SIPA1L1: variants seen among roughly 807,000 people sequenced by gnomAD.
The protein encoded by SIPA1L1 is signal-induced proliferation-associated 1-like protein 1.
In SIPA1L1, 26 loss-of-function variants were observed where a neutral mutation model predicts 162.7. That is an observed-to-expected ratio of 0.16 (90% CI 0.12 to 0.22). The LOEUF is 0.22. Among genes scored for constraint, SIPA1L1 ranks in the 10% least tolerant of loss-of-function variants. The pLI is 1.00. For synonymous variants in SIPA1L1, 829 were observed against 837.4 expected, an observed-to-expected ratio of 0.99 and a Z score of 0.17; for missense variants, 1,874 against 2,241.0, an observed-to-expected ratio of 0.84 and a Z score of 3.31.
chr14:71,367,905 C>CT (rs1464201372), intron 2 of SIPA1L1, among the ~76,000 whole-genome samples: 6 of 146,742 alleles, frequency 4.1e-5, no homozygotes, highest in African/African-American at 1.5e-4. Context: ...GCGTGCCGGC[C>CT]TTCCTTTTTT....
rs185832512 is a variant in SIPA1L1, at chr14:71,421,310, T to C, written c.-464-91433T>C. On this transcript the variant is annotated intron_variant, in intron 2 of 23. Coordinates refer to ENST00000381232, the MANE Select transcript of SIPA1L1 (RefSeq NM_001386936.1). Reference sequence around the variant, plus strand: ...TAGTTGATTATATTTAAAGTAAATCTGGCCAGGCATGGTGGCTCACGCCTG... The same window carrying C: ...TAGTTGATTATATTTAAAGTAAATCCGGCCAGGCATGGTGGCTCACGCCTG... 2.6e-5 allele frequency among the ~76,000 whole-genome samples: 4 copies of C among 152,290 alleles called. No individual in the cohort carries two copies. The East Asian group carries it at 7.7e-4, about 29-fold the overall frequency.
chr14:71,379,954 T>C (rs890664665), intron 2 of SIPA1L1, among the ~76,000 whole-genome samples: 2 of 152,232 alleles, frequency 1.3e-5, no homozygotes, highest in Admixed American at 6.5e-5. Flanking sequence ...TGATAACTTA[T>C]TATTGCCATA....
intron 3 of SIPA1L1, among the ~76,000 whole-genome samples, chr14:71,522,558 T>C (rs918349781): frequency 6.6e-6 from 1 of 152,234 alleles, no homozygotes; most frequent in African/African-American, 2.4e-5. Flanking sequence ...TTGAGCATCA[T>C]GTCAGCACTC....
chr14:71,340,920 C>T (rs1443300256), intron 2 of SIPA1L1, among the ~76,000 whole-genome samples: 1 of 152,206 alleles, frequency 6.6e-6, no homozygotes, highest in African/African-American at 2.4e-5. Flanking sequence ...GCCTGGACAA[C>T]AGAGCGAGAC....
At chr14:71,397,747 T>G (rs935305906) in intron 2 of SIPA1L1, among the ~76,000 whole-genome samples, 8 of 152,160 alleles carry the variant, frequency 5.3e-5, no homozygotes, top group African/African-American at 1.9e-4. Context: ...GTTTGGTTGT[T>G]AGTGGAGTAG....
chr14:71,342,639 T>C (rs1486507699), intron 2 of SIPA1L1, among the ~76,000 whole-genome samples: 1 of 152,220 alleles, frequency 6.6e-6, no homozygotes, highest in Non-Finnish European at 1.5e-5. Context: ...TAGATTATGA[T>C]GGGAAAGGAG....
intron 2 of SIPA1L1, among the ~76,000 whole-genome samples, chr14:71,327,672 C>G (rs1428769785): frequency 2.0e-5 from 3 of 152,140 alleles, no homozygotes; most frequent in Non-Finnish European, 4.4e-5. Context: ...GGCTGTGGCT[C>G]TGAACCATAC....
intron 22 of SIPA1L1, 32 bp downstream of exon 22, chr14:71,735,423 C>G (rs1387461843): frequency 7.0e-7 from 1 of 1,426,954 alleles, no homozygotes; most frequent in Non-Finnish European, 9.9e-7. Flanking sequence ...GTACTCTGCA[C>G]CTTGTGTCAC....
intron 2 of SIPA1L1, among the ~76,000 whole-genome samples, chr14:71,371,938 C>G (rs1360334438): frequency 2.0e-5 from 3 of 152,112 alleles, no homozygotes; most frequent in Non-Finnish European, 4.4e-5. Context: ...AGCCTCTTAA[C>G]CCTTACTTGA....
Position 71,698,975 on chromosome 14 carries a change from A to T in SIPA1L1, c.3375-6A>T. The T allele has an allele frequency of 6.2e-7, 1 of 1,614,202 alleles. No homozygotes were observed. The highest frequency in any genetic ancestry group is 8.5e-7 in the Non-Finnish European group (1 of 1,180,012). ...TTGACTTCATGTTTTTGTATTGCAC[A>T]TGCAGGCTGTCTCCTGGTTCGGACA... On this transcript the variant is annotated splice_region_variant and splice_polypyrimidine_tract_variant and intron_variant, in intron 13 of 23. Transcript: ENST00000381232.
chr14:71,501,756 C>T (rs1019296428), intron 2 of SIPA1L1, among the ~76,000 whole-genome samples: 1 of 152,046 alleles, frequency 6.6e-6, no homozygotes, highest in African/African-American at 2.4e-5. Context: ...GCACAGTGGC[C>T]TCATGCCTGT....
At chr14:71,643,537 A>C (rs1258451678) in intron 7 of SIPA1L1, among the ~76,000 whole-genome samples, 1 of 152,188 alleles carries the variant, frequency 6.6e-6, no homozygotes, top group Non-Finnish European at 1.5e-5. Flanking sequence ...TTGTGAAAAA[A>C]GTTTTCTAAA....
chr14:71,637,807 T>G (rs948762523), intron 7 of SIPA1L1, among the ~76,000 whole-genome samples: 1 of 152,146 alleles, frequency 6.6e-6, no homozygotes, highest in African/African-American at 2.4e-5. Flanking sequence ...GTACTATCCA[T>G]GGTTTCAGGC....
At chr14:71,641,685 T>C (rs1478573401) in intron 7 of SIPA1L1, among the ~76,000 whole-genome samples, 3 of 152,214 alleles carry the variant, frequency 2.0e-5, no homozygotes, top group Non-Finnish European at 4.4e-5. Context: ...ATGGAGCCAC[T>C]GCACTCCAGC....
chr14:71,396,534 C>T (rs918779368), intron 2 of SIPA1L1, among the ~76,000 whole-genome samples: 2 of 152,066 alleles, frequency 1.3e-5, no homozygotes, highest in Non-Finnish European at 2.9e-5. Flanking sequence ...AAGATCAGTC[C>T]GTTAATCTTT....
At chr14:71,542,018 C>T (rs1339647324) in intron 4 of SIPA1L1, among the ~76,000 whole-genome samples, 1 of 152,234 alleles carries the variant, frequency 6.6e-6, no homozygotes, top group Non-Finnish European at 1.5e-5. Flanking sequence ...ATCAATGGCA[C>T]GACCATGGAT....
chr14:71,550,614 T>G (rs942595312), intron 4 of SIPA1L1, among the ~76,000 whole-genome samples: 1 of 151,930 alleles, frequency 6.6e-6, no homozygotes, highest in African/African-American at 2.4e-5. Flanking sequence ...CTGGTTTCTC[T>G]TCTCTCTCAA....
intron 5 of SIPA1L1, among the ~76,000 whole-genome samples, chr14:71,616,472 T>C (rs952361892): frequency 6.6e-6 from 1 of 151,624 alleles, no homozygotes; most frequent in Non-Finnish European, 1.5e-5. Context: ...AAATGTGAGT[T>C]TACGGTAATT....
intron 5 of SIPA1L1, among the ~76,000 whole-genome samples, chr14:71,616,589 G>A (rs1261590418): frequency 6.6e-6 from 1 of 151,978 alleles, no homozygotes; most frequent in Non-Finnish European, 1.5e-5. Flanking sequence ...AAATGGGTGG[G>A]GGTGGGGCTT....
Sources: gnomAD v4.1 joint callset for allele counts (sites outside exome capture counted in the v4.1 genomes callset) on GRCh38, gnomAD v4.1.1 for gene constraint, MANE v1.5 for transcripts, NCBI Gene and HGNC (gene_info 2026-07-23, HGNC 2026-07-21) for gene names.